Variants in TAPBPL observed in about 807,000 individuals in gnomAD.
TAPBPL encodes the protein TAP binding protein like.
In TAPBPL, 32 loss-of-function variants were observed where a neutral mutation model predicts 44.8. That is an observed-to-expected ratio of 0.71 (90% CI 0.54 to 0.96). The LOEUF (loss-of-function observed/expected upper bound fraction) is 0.96, where lower values mean the gene tolerates loss of function less well. TAPBPL is among the 40% of genes least tolerant of loss of function. The pLI, the probability that TAPBPL is intolerant of heterozygous loss-of-function variation, is 0.00. For synonymous variants in TAPBPL, 230 were observed against 240.7 expected, an observed-to-expected ratio of 0.96 and a Z score of 0.41; for missense variants, 520 against 586.6, an observed-to-expected ratio of 0.89 and a Z score of 1.17.
chr12:6,470,542 G>A, downstream of TAPBPL: 1 of 1,614,002 alleles, frequency 6.2e-7, no homozygotes, highest in African/African-American at 1.3e-5. Context: ...TTTTCTGACA[G>A]AGAGAGTGAG....
At chr12:6,452,540 G>T in intron 1 of TAPBPL, 1 of 1,410,044 alleles carries the variant, frequency 7.1e-7, no homozygotes. Flanking sequence ...TGCCTCTGTG[G>T]CTGTGGTCAG....
Position 6,453,760 on chromosome 12 carries a change from G to A in TAPBPL, c.565+44G>A, listed in dbSNP as rs773894155. The A allele has an allele frequency of 6.6e-7, 1 of 1,523,382 alleles. No homozygotes were observed. The highest frequency in any genetic ancestry group is 2.3e-5 in the East Asian group (1 of 43,736). The allele number at this position is 1,523,382 out of a possible 1,614,324, so 94.4% of individuals were successfully genotyped here. A position where few individuals can be genotyped will look rare whatever the true frequency, so the allele number is the denominator to read the frequency against. On this transcript the variant is annotated intron_variant, in intron 3 of 6. Transcript: ENST00000266556. The surrounding 1 kb of genome is among the most constrained non-coding windows in gnomAD (Gnocchi z 4.8). The stretch of plus-strand genomic sequence containing the variant: ...AGGCCAGGTGTGGTGGCTCACGCCT[G>A]TAATTCCAGAATTTTGGGATACCGA...
Position 6,462,221 on chromosome 12 carries a change from A to G in TAPBPL, c.*72A>G. 2 of 1,315,756 alleles carry G rather than the reference A, an allele frequency of 1.5e-6. No individual in the cohort carries two copies. Among genetic ancestry groups the G allele is most frequent in the Admixed American group, 2.4e-5 (1 of 41,134 alleles). 81.5% of individuals were successfully genotyped at this position (1,315,756 alleles called of 1,614,324 possible). ...AGCCCCCACAGCTACTCCAACCCAA[A>G]CAACAACCAAGCCAGTTTAATGGTA... is the stretch of plus-strand genomic sequence containing the variant. On this transcript the variant is annotated 3_prime_UTR_variant, in exon 7 of 7. Transcript: ENST00000266556.
chr12:6,465,963 A>AGAG, downstream of TAPBPL: 1 of 1,614,260 alleles, frequency 6.2e-7, no homozygotes, highest in Non-Finnish European at 8.5e-7. Flanking sequence ...GTCCCTCTCC[A>AGAG]GGACCTTGTC....
chr12:6,460,064 CCT>C, intron 5 of TAPBPL, among the ~76,000 whole-genome samples: 1 of 152,124 alleles, frequency 6.6e-6, no homozygotes, highest in Admixed American at 6.5e-5. Context: ...GCCACCGCAC[CCT>C]GCCTGTCGAG....
chr12:6,461,390 G>A, intron 6 of TAPBPL: 1 of 1,005,166 alleles, frequency 9.9e-7, no homozygotes, highest in Non-Finnish European at 1.2e-6. Context: ...CAAAGAGCCA[G>A]GTTGGTGGTG....
chr12:6,467,200 G>A (rs532210176), downstream of TAPBPL: 1 of 162,550 alleles, frequency 6.2e-6, no homozygotes, highest in African/African-American at 2.4e-5. Context: ...TACCAGTAGA[G>A]TGGGGTGTTG....
At chr12:6,458,291 G>A (rs1345290667) in intron 4 of TAPBPL, among the ~76,000 whole-genome samples, 4 of 151,788 alleles carry the variant, frequency 2.6e-5, no homozygotes, top group South Asian at 4.1e-4. Context: ...CAGAAGAATC[G>A]CTTGAACCCC....
downstream of TAPBPL, chr12:6,463,157 C>T: frequency 6.9e-7 from 1 of 1,448,354 alleles, no homozygotes; most frequent in Non-Finnish European, 9.0e-7. The surrounding 1 kb of genome is among the most constrained non-coding windows in gnomAD (Gnocchi z 4.0). Flanking sequence ...ACACACAAAC[C>T]ATGCAAAGAG....
chr12:6,456,632 G>T (rs1356865841), intron 3 of TAPBPL, among the ~76,000 whole-genome samples: 1 of 151,400 alleles, frequency 6.6e-6, no homozygotes, highest in Non-Finnish European at 1.5e-5. Flanking sequence ...CCAATACCAC[G>T]TGTGTTTTTT....
chr12:6,458,591 T>G, intron 4 of TAPBPL, 54 bp from the exon 5 acceptor site: 1 of 1,583,550 alleles, frequency 6.3e-7, no homozygotes, highest in Non-Finnish European at 8.6e-7. Flanking sequence ...TTCAGGCTCC[T>G]CCGCTGTCCC....
downstream of TAPBPL, among the ~76,000 whole-genome samples, chr12:6,465,638 G>A (rs985316734): frequency 5.9e-5 from 9 of 151,642 alleles, no homozygotes; most frequent in African/African-American, 1.9e-4. Context: ...CCCTGATAGC[G>A]GTTCTAAATA....
At chr12:6,457,370 G>A (rs752309726) in intron 3 of TAPBPL, 36 bp from the exon 4 acceptor site, 2 of 1,582,104 alleles carry the variant, frequency 1.3e-6, no homozygotes, top group South Asian at 2.3e-5. Flanking sequence ...CAAGGAGGAA[G>A]TAGCCCACAA....
Position 6,452,176 on chromosome 12 carries a change from C to T in TAPBPL, c.-73C>T, listed in dbSNP as rs1049274275. 54 of 1,533,384 alleles carry T rather than the reference C, an allele frequency of 3.5e-5. No individual in the cohort carries two copies. The African/African-American group carries it at 6.6e-4, about 19-fold the overall frequency. 95.0% of individuals were successfully genotyped at this position (1,533,384 alleles called of 1,614,324 possible). Reference sequence around the variant, plus strand: ...GTGTGCTTGGAGAGCCCCCTTCTTCCGCCGGGCCTCGCAAGCAGCGTAGGA... The same window carrying T: ...GTGTGCTTGGAGAGCCCCCTTCTTCTGCCGGGCCTCGCAAGCAGCGTAGGA... On this transcript the variant is annotated 5_prime_UTR_variant, in exon 1 of 7. Coordinates refer to ENST00000266556, the MANE Select transcript of TAPBPL (RefSeq NM_018009.5).
downstream of TAPBPL, among the ~76,000 whole-genome samples, chr12:6,469,304 G>A (rs946102131): frequency 1.3e-5 from 2 of 151,928 alleles, no homozygotes; most frequent in Admixed American, 1.3e-4. Flanking sequence ...CAGGATGGTA[G>A]CACCAATGAC....
chr12:6,457,369 A>C (rs1490015967), intron 3 of TAPBPL, 37 bp from the exon 4 acceptor site: 10 of 1,579,980 alleles, frequency 6.3e-6, no homozygotes, highest in African/African-American at 2.7e-5. Context: ...TCAAGGAGGA[A>C]GTAGCCCACA....
chr12:6,457,809 AT>A, intron 4 of TAPBPL, 65 bp downstream of exon 4: 1 of 1,439,596 alleles, frequency 6.9e-7, no homozygotes, highest in Admixed American at 2.7e-5. Context: ...GCGTTTCCAG[AT>A]TGGGACCCAA....
At chr12:6,471,696 G>A in the TAPBPL span, among the ~76,000 whole-genome samples, 4 of 152,084 alleles carry the variant, frequency 2.6e-5, no homozygotes, top group East Asian at 7.7e-4. The surrounding 1 kb of genome is among the most constrained non-coding windows in gnomAD (Gnocchi z 4.0). Flanking sequence ...GCATGGTGGC[G>A]GGCGCCTGTA....
downstream of TAPBPL, chr12:6,463,980 T>C (rs2534715): frequency 0.31 from 395,133 of 1,290,744 alleles, 61,540 homozygotes; most frequent in South Asian, 0.35. The surrounding 1 kb of genome is among the most constrained non-coding windows in gnomAD (Gnocchi z 4.0). Context: ...AGGACCCTCT[T>C]CAGGCCTGGT....
Sources: gnomAD v4.1 joint callset for allele counts (sites outside exome capture counted in the v4.1 genomes callset) on GRCh38, gnomAD v4.1.1 for gene constraint, Gnocchi (gnomAD v3.1) non-coding constraint, MANE v1.5 for transcripts, NCBI Gene and HGNC (gene_info 2026-07-23, HGNC 2026-07-21) for gene names.